The following SNTG1 variants were observed in gnomAD, a reference collection of about 807,000 sequenced individuals.
SNTG1 encodes syntrophin gamma 1.
Under a neutral mutation model 74.7 loss-of-function variants are expected in SNTG1, and 39 were observed. The observed-to-expected ratio is 0.52, with a 90% CI of 0.40 to 0.68. The LOEUF (loss-of-function observed/expected upper bound fraction) is 0.68, where lower values mean the gene tolerates loss of function less well. Ranked by LOEUF, SNTG1 falls within the 30% of genes least tolerant of loss-of-function variation. The pLI is 0.00. For missense variants in SNTG1, 685 were observed against 609.5 expected, an observed-to-expected ratio of 1.12 and a Z score of -1.30; for synonymous variants, 254 against 217.1, an observed-to-expected ratio of 1.17 and a Z score of -1.49.
intron 15 of SNTG1, among the ~76,000 whole-genome samples, chr8:50,671,231 G>GA (rs1350645377): frequency 1.3e-5 from 2 of 151,748 alleles, no homozygotes; most frequent in African/African-American, 4.9e-5. Context: ...CACAGCAAAA[G>GA]AAACTACCAT....
intron 1 of SNTG1, among the ~76,000 whole-genome samples, chr8:50,104,462 A>G (rs554395305): frequency 4.4e-4 from 67 of 151,382 alleles, no homozygotes; most frequent in Middle Eastern, 6.8e-3. Flanking sequence ...TTTCTTCTTT[A>G]TTAGTCTTGC....
At chr8:50,001,432 T>C (rs755029157) in intron 1 of SNTG1, among the ~76,000 whole-genome samples, 10 of 152,162 alleles carry the variant, frequency 6.6e-5, no homozygotes, top group Non-Finnish European at 1.0e-4. Flanking sequence ...TATTAGTGTT[T>C]ACTGAAGTCT....
chr8:50,304,012 C>T (rs1282458353), intron 2 of SNTG1, among the ~76,000 whole-genome samples: 1 of 152,158 alleles, frequency 6.6e-6, no homozygotes, highest in Non-Finnish European at 1.5e-5. Flanking sequence ...CCCACACTGG[C>T]TCTGTGCTAT....
intron 1 of SNTG1, among the ~76,000 whole-genome samples, chr8:50,090,647 C>T (rs1475704053): frequency 6.6e-6 from 1 of 152,052 alleles, no homozygotes; most frequent in African/African-American, 2.4e-5. Context: ...CCAGTGCTCC[C>T]CTTCTCTCAG....
intron 2 of SNTG1, among the ~76,000 whole-genome samples, chr8:50,327,004 A>G (rs1156640906): frequency 5.3e-5 from 8 of 151,698 alleles, no homozygotes; most frequent in African/African-American, 1.9e-4. Flanking sequence ...GATTTTCTAG[A>G]TATCTTTCTG....
intron 1 of SNTG1, among the ~76,000 whole-genome samples, chr8:50,001,657 T>G (rs576501862): frequency 6.6e-6 from 1 of 152,302 alleles, no homozygotes; most frequent in South Asian, 2.1e-4. Flanking sequence ...TAAGTTATCT[T>G]GCAGTTCTAA....
intron 2 of SNTG1, among the ~76,000 whole-genome samples, chr8:50,209,165 G>A (rs1030499310): frequency 6.6e-6 from 1 of 152,172 alleles, no homozygotes; most frequent in Non-Finnish European, 1.5e-5. Flanking sequence ...GTGGCAGTGA[G>A]GCTGGGGGAG....
At chr8:50,144,523 G>A (rs1323152917) in intron 1 of SNTG1, among the ~76,000 whole-genome samples, 2 of 152,214 alleles carry the variant, frequency 1.3e-5, no homozygotes, top group Non-Finnish European at 2.9e-5. Flanking sequence ...GTCCTTTAAG[G>A]TGCTGTAAGT....
chr8:50,597,338 T>C lies in SNTG1; in HGVS notation c.849+6421T>C, dbSNP rs138891798. Among the ~76,000 whole-genome samples the C allele has an allele frequency of 2.7e-3, 401 of 146,128 alleles. 7 individuals carry two copies. Among genetic ancestry groups the C allele is most frequent in the Non-Finnish European group, 4.2e-4 (28 of 66,502 alleles). On this transcript the variant is annotated intron_variant, in intron 13 of 18. Coordinates refer to ENST00000642720, the MANE Select transcript of SNTG1 (RefSeq NM_018967.5). ...ATACACGTATATATACACATATATA[T>C]ACATATATACACGTATATATACACA...
Position 50,782,149 on chromosome 8 carries a change from A to T in SNTG1, c.1396-10522A>T, listed in dbSNP as rs185534586. Among the ~76,000 whole-genome samples the T allele has an allele frequency of 3.0e-4, 46 of 152,104 alleles. 1 individual carries two copies. In the East Asian group the frequency reaches 8.9e-3, roughly 29 times the overall value. The stretch of plus-strand genomic sequence containing the variant: ...GGCTGCCCATAACATTTTTTCCTTC[A>T]TTTCAACTTTGGTGAATCTGACAAT... On this transcript the variant is annotated intron_variant, in intron 18 of 18. Coordinates refer to ENST00000642720, the MANE Select transcript of SNTG1 (RefSeq NM_018967.5).
At chr8:49,936,306 A>G (rs987924080) in intron 1 of SNTG1, among the ~76,000 whole-genome samples, 1 of 152,128 alleles carries the variant, frequency 6.6e-6, no homozygotes, top group African/African-American at 2.4e-5. Context: ...TGGCTCCTCT[A>G]TCTGCTTTGA....
intron 2 of SNTG1, among the ~76,000 whole-genome samples, chr8:50,210,076 A>C (rs2084591): frequency 0.42 from 64,193 of 152,048 alleles, 16,900 homozygotes; most frequent in African/African-American, 0.75. Flanking sequence ...AACTACGTGA[A>C]GCATGCACAA....
At chr8:50,220,794 T>C (rs1015297792) in intron 2 of SNTG1, among the ~76,000 whole-genome samples, 23 of 152,212 alleles carry the variant, frequency 1.5e-4, no homozygotes, top group Non-Finnish European at 2.6e-4. Flanking sequence ...GGCAGCAACA[T>C]TGAAGACTTC....
chr8:50,161,518 C>A (rs1563678105), intron 1 of SNTG1, among the ~76,000 whole-genome samples: 1 of 152,128 alleles, frequency 6.6e-6, no homozygotes, highest in African/African-American at 2.4e-5. Flanking sequence ...GAAAGGCTAA[C>A]TTTCAGTGTC....
At chr8:49,991,020 A>G (rs1389191487) in intron 1 of SNTG1, among the ~76,000 whole-genome samples, 1 of 152,168 alleles carries the variant, frequency 6.6e-6, no homozygotes, top group Non-Finnish European at 1.5e-5. Flanking sequence ...GAAAACTGGA[A>G]AAAGTGTTGG....
At chr8:50,108,131 A>G (rs2080450772) in intron 1 of SNTG1, among the ~76,000 whole-genome samples, 2 of 152,190 alleles carry the variant, frequency 1.3e-5, no homozygotes, top group African/African-American at 4.8e-5. Flanking sequence ...TACCTTGCAT[A>G]GTTTTCTCTC....
chr8:50,627,651 G>A lies in SNTG1; in HGVS notation c.850-29258G>A, dbSNP rs150973154. ...AGGGTTCCCATGACCCCACCTTCAG[G>A]TTTGATTAATTTGCTAGAGCAGCTC... On this transcript the variant is annotated intron_variant, in intron 13 of 18. Transcript: ENST00000642720. Among the ~76,000 whole-genome samples, 792 of 152,214 alleles carry A rather than the reference G, an allele frequency of 5.2e-3. 15 individuals are homozygous for A. Among genetic ancestry groups the A allele is most frequent in the Non-Finnish European group, 3.2e-3 (219 of 68,012 alleles).
chr8:50,338,392 C>T (rs777987399), intron 2 of SNTG1, among the ~76,000 whole-genome samples: 10 of 152,054 alleles, frequency 6.6e-5, no homozygotes, highest in East Asian at 1.9e-4. Flanking sequence ...CCAGAAGGCA[C>T]GGTAAAAGGC....
intron 1 of SNTG1, among the ~76,000 whole-genome samples, chr8:49,955,264 A>G (rs1810052589): frequency 6.6e-6 from 1 of 152,206 alleles, no homozygotes; most frequent in Non-Finnish European, 1.5e-5. Flanking sequence ...TTTGCTAGCT[A>G]AAATAATTTT....
Sources: gnomAD v4.1 joint callset for allele counts (sites outside exome capture counted in the v4.1 genomes callset) on GRCh38, gnomAD v4.1.1 for gene constraint, MANE v1.5 for transcripts, NCBI Gene and HGNC (gene_info 2026-07-23, HGNC 2026-07-21) for gene names.